TMOD2: variants seen among roughly 807,000 people sequenced by gnomAD.
The protein encoded by TMOD2 is tropomodulin 2, also known as tropomodulin-2.
TMOD2 carries 22 observed loss-of-function variants against 39.9 expected under a neutral mutation model. The ratio of observed to expected loss-of-function variants is 0.55; its 90% CI spans 0.39 to 0.79. The LOEUF is 0.79. Among genes scored for constraint, TMOD2 ranks in the 30% least tolerant of loss-of-function variants. The pLI, the probability that TMOD2 is intolerant of heterozygous loss-of-function variation, is 0.00. For missense variants in TMOD2, 386 were observed against 413.3 expected, an observed-to-expected ratio of 0.93 and a Z score of 0.57; for synonymous variants, 123 against 146.1, an observed-to-expected ratio of 0.84 and a Z score of 1.14.
chr15:51,803,946 A>G (rs1332447013), intron 8 of TMOD2, among the ~76,000 whole-genome samples: 1 of 152,298 alleles, frequency 6.6e-6, no homozygotes, highest in Non-Finnish European at 1.5e-5. Flanking sequence ...GTATAGACAA[A>G]GATTAAAAAG....
intron 3 of TMOD2, among the ~76,000 whole-genome samples, chr15:51,768,768 C>T (rs1273881776): frequency 6.6e-6 from 1 of 151,418 alleles, no homozygotes. Context: ...GAGGGTCAAG[C>T]AAGGGAACTG....
In TMOD2 at chr15:51,809,051, T is replaced by C. The variant is rs1374835851; in HGVS notation, c.*597T>C. ...ATCTTCATAAAGCAAGACAACATTATGACACTTTAAAACAGTAGCAAAGAA... is the reference window on the plus strand; with the variant it reads ...ATCTTCATAAAGCAAGACAACATTACGACACTTTAAAACAGTAGCAAAGAA... On this transcript the variant is annotated 3_prime_UTR_variant, in exon 10 of 10. Coordinates refer to ENST00000249700, the MANE Select transcript of TMOD2 (RefSeq NM_014548.4). The C allele has an allele frequency of 6.6e-6, 1 of 152,598 alleles. No individual in the cohort carries two copies. The highest frequency in any genetic ancestry group is 1.5e-5 in the Non-Finnish European group (1 of 68,054). The allele number at this position is 152,598 out of a possible 1,614,324, so 9.5% of individuals were successfully genotyped here. A position where few individuals can be genotyped will look rare whatever the true frequency, so the allele number is the denominator to read the frequency against.
intron 4 of TMOD2, among the ~76,000 whole-genome samples, chr15:51,775,875 C>G (rs2055885679): frequency 6.6e-6 from 1 of 152,102 alleles, no homozygotes. Flanking sequence ...CGCACCCGGC[C>G]CACAGTGGCA....
At chr15:51,772,870 G>C (rs1227551688) in intron 3 of TMOD2, among the ~76,000 whole-genome samples, 2 of 152,146 alleles carry the variant, frequency 1.3e-5, no homozygotes, top group Non-Finnish European at 2.9e-5. Flanking sequence ...AGATGAACCT[G>C]CTCCTAATAT....
intron 2 of TMOD2, chr15:51,766,799 A>G: frequency 2.9e-6 from 1 of 345,040 alleles, no homozygotes; most frequent in Non-Finnish European, 5.3e-6. Context: ...ATGGGGGGAA[A>G]TATTTTCCGT....
chr15:51,798,448 T>C (rs2056067084), intron 8 of TMOD2, 108 bp downstream of exon 8: 1 of 1,315,356 alleles, frequency 7.6e-7, no homozygotes, highest in Admixed American at 2.6e-5. Flanking sequence ...GTGACTCAAT[T>C]TGATGTACTG....
intron 7 of TMOD2, chr15:51,783,888 A>G (rs1595871347): frequency 6.6e-6 from 1 of 152,338 alleles, no homozygotes; most frequent in South Asian, 2.1e-4. Context: ...AAATACTTAT[A>G]CCATCACTAT....
intron 8 of TMOD2, among the ~76,000 whole-genome samples, chr15:51,801,404 A>T (rs991387549): frequency 1.3e-5 from 2 of 152,190 alleles, no homozygotes; most frequent in Non-Finnish European, 2.9e-5. Context: ...TCTTGCATCC[A>T]AATTGTGTTC....
At chr15:51,766,033 T>A (rs1476612280) in intron 1 of TMOD2, among the ~76,000 whole-genome samples, 5 of 152,204 alleles carry the variant, frequency 3.3e-5, no homozygotes, top group African/African-American at 1.2e-4. Flanking sequence ...AAGCACCCAC[T>A]ATGCTGGGAA....
chr15:51,778,399 A>G (rs1222208832), intron 5 of TMOD2, among the ~76,000 whole-genome samples: 1 of 150,432 alleles, frequency 6.6e-6, no homozygotes, highest in East Asian at 2.0e-4. Flanking sequence ...TGACGAGTTA[A>G]TGGGTGCAGC....
In TMOD2 at chr15:51,808,821, A is replaced by T. The variant is rs1330461298; in HGVS notation, c.*367A>T. The T allele has an allele frequency of 2.8e-5, 5 of 177,544 alleles. No homozygotes were observed. The highest frequency in any genetic ancestry group is 6.0e-5 in the Non-Finnish European group (5 of 83,812). 11.0% of individuals were successfully genotyped at this position (177,544 alleles called of 1,614,324 possible). On this transcript the variant is annotated 3_prime_UTR_variant, in exon 10 of 10. Coordinates refer to ENST00000249700, the MANE Select transcript of TMOD2 (RefSeq NM_014548.4). The stretch of plus-strand genomic sequence containing the variant: ...TGTATAATATGTGTTTGTAACTGTG[A>T]TTATGATAGAGGCCTATCTCTGTTT...
At chr15:51,782,862 T>C (rs1317179742) in intron 7 of TMOD2, 34 bp downstream of exon 7, 1 of 1,566,346 alleles carries the variant, frequency 6.4e-7, no homozygotes, top group African/African-American at 1.4e-5. Context: ...AACATGAAGT[T>C]ATTTAATTCA....
At chr15:51,788,880 C>T (rs2055989494) in intron 7 of TMOD2, among the ~76,000 whole-genome samples, 1 of 152,294 alleles carries the variant, frequency 6.6e-6, no homozygotes, top group South Asian at 2.1e-4. Context: ...ATAGGAACAA[C>T]CAGTACCAGC....
chr15:51,756,759 G>A (rs1440441751), intron 1 of TMOD2, among the ~76,000 whole-genome samples: 1 of 152,116 alleles, frequency 6.6e-6, no homozygotes, highest in Non-Finnish European at 1.5e-5. Context: ...CCTTCCCATT[G>A]CCGTACCATA....
chr15:51,770,394 G>T (rs918564926), intron 3 of TMOD2, among the ~76,000 whole-genome samples: 1 of 152,038 alleles, frequency 6.6e-6, no homozygotes, highest in Non-Finnish European at 1.5e-5. Context: ...TACTTACTTT[G>T]GTTTTTGCAT....
intron 4 of TMOD2, among the ~76,000 whole-genome samples, chr15:51,774,465 G>A (rs947941621): frequency 6.6e-6 from 1 of 152,074 alleles, no homozygotes; most frequent in Non-Finnish European, 1.5e-5. Flanking sequence ...ACATACACAG[G>A]GTTATTAGAT....
rs2056139637 is a variant in TMOD2 at position 51,809,109 on chromosome 15, G to A, written c.*655G>A. 6.6e-6 allele frequency: 1 copy of A among 152,584 alleles called. No individual in the cohort carries two copies. Among genetic ancestry groups the A allele is most frequent in the Admixed American group, 6.5e-5 (1 of 15,284 alleles). 9.5% of individuals were successfully genotyped at this position (152,584 alleles called of 1,614,324 possible). The stretch of plus-strand genomic sequence containing the variant: ...TATTAACCCACAAATGTAGCATCAA[G>A]CCAGACTCACAGGTAGCAAAATGAA... On this transcript the variant is annotated 3_prime_UTR_variant, in exon 10 of 10. Coordinates refer to ENST00000249700, the MANE Select transcript of TMOD2 (RefSeq NM_014548.4).
chr15:51,758,079 CTAA>C (rs145435018), intron 1 of TMOD2, among the ~76,000 whole-genome samples: 273 of 149,706 alleles, frequency 1.8e-3, no homozygotes, highest in Admixed American at 3.9e-3. Context: ...GACCCTATTT[CTAA>C]TAATAATAAT....
At position 51,800,755 on chromosome 15, in the gene TMOD2, GAGTACAATGATGC is replaced by G. The variant is rs1448945313; in HGVS notation, c.876+2419_876+2431del. ...AGGTCTCACTCTATGGCCCAGGCTA[GAGTACAATGATGC>G]AGTGTGGCCTCACTGCAATCTCCAC... On this transcript the variant is annotated intron_variant, in intron 8 of 9. Coordinates refer to ENST00000249700, the MANE Select transcript of TMOD2 (RefSeq NM_014548.4). 3.3e-5 allele frequency among the ~76,000 whole-genome samples: 5 copies of G among 152,222 alleles called. No homozygotes were observed. The East Asian group carries it at 9.7e-4, about 29-fold the overall frequency.
Sources: allele counts gnomAD v4.1 joint callset (sites outside exome capture counted in the v4.1 genomes callset), GRCh38; gene constraint gnomAD v4.1.1; transcripts MANE v1.5; gene names NCBI Gene and HGNC (gene_info 2026-07-23, HGNC 2026-07-21).